DPAGT1: variants seen among roughly 807,000 people sequenced by gnomAD.
DPAGT1 encodes the protein dolichyl-phosphate N-acetylglucosaminephosphotransferase 1.
In DPAGT1, 25 loss-of-function variants were observed where a neutral mutation model predicts 39.3. The ratio of observed to expected loss-of-function variants is 0.64; its 90% CI spans 0.46 to 0.89. The LOEUF is 0.89. DPAGT1 is among the 40% of genes least tolerant of loss of function. The pLI is 0.00. For synonymous variants in DPAGT1, 193 were observed against 201.4 expected, an observed-to-expected ratio of 0.96 and a Z score of 0.36; for missense variants, 381 against 500.6, an observed-to-expected ratio of 0.76 and a Z score of 2.28.
chr11:119,094,856 C>G, downstream of DPAGT1: 10 of 1,199,286 alleles, frequency 8.3e-6, no homozygotes, highest in South Asian at 1.6e-4. Context: ...CCGCTTGCCC[C>G]GCAGTCTGAA....
downstream of DPAGT1, chr11:119,094,815 C>CGAGGG (rs1009294998): frequency 1.6e-5 from 13 of 826,646 alleles, no homozygotes; most frequent in East Asian, 2.0e-4. Context: ...CGAAGGCGGG[C>CGAGGG]GAGGGGAGGG....
rs749725470 is a variant in DPAGT1, at chr11:119,100,613, G to A, written c.496+17C>T. On this transcript the variant is annotated intron_variant, in intron 3 of 8. Transcript: ENST00000354202. The stretch of plus-strand genomic sequence containing the variant: ...TGAAGTAGGTGCCATAGGGGCAGCA[G>A]TGGTAGGACTACCTACCCAAGTCCA... 18 of 1,613,304 alleles carry A rather than the reference G, an allele frequency of 1.1e-5. No individual in the cohort carries two copies. The South Asian group carries it at 2.0e-4, about 18-fold the overall frequency.
rs775014419 is a variant in DPAGT1, at chr11:119,100,211, C to T, written c.643+51G>A. On this transcript the variant is annotated intron_variant, in intron 4 of 8. Coordinates refer to ENST00000354202, the MANE Select transcript of DPAGT1 (RefSeq NM_001382.4). The stretch of plus-strand genomic sequence containing the variant: ...GAATTTCCCAAAGTCATATATCAGG[C>T]CACACCTTTAACACTCAGACTTCTC... 5.6e-6 allele frequency: 9 copies of T among 1,613,246 alleles called. No individual in the cohort carries two copies. In the East Asian group the frequency reaches 1.8e-4, roughly 32 times the overall value.
chr11:119,095,818 G>A (rs1485477156), downstream of DPAGT1, among the ~76,000 whole-genome samples: 1 of 152,052 alleles, frequency 6.6e-6, no homozygotes, highest in Non-Finnish European at 1.5e-5. Context: ...TGCCGGCGTA[G>A]GATTTTTAAA....
Position 119,096,890 on chromosome 11 carries a change from G to A in DPAGT1, c.*108C>T. 1.6e-6 allele frequency: 2 copies of A among 1,275,576 alleles called. No individual in the cohort carries two copies. Among genetic ancestry groups the A allele is most frequent in the African/African-American group, 1.5e-5 (1 of 68,156 alleles). The allele number at this position is 1,275,576 out of a possible 1,614,324, so 79.0% of individuals were successfully genotyped here. Reference sequence around the variant, plus strand: ...CTGAGAACAAAATCTGGAGGAGTATGAAGAGTGAGAGAGGCCTGGGCAAGG... The same window carrying A: ...CTGAGAACAAAATCTGGAGGAGTATAAAGAGTGAGAGAGGCCTGGGCAAGG... On this transcript the variant is annotated 3_prime_UTR_variant, in exon 9 of 9. Transcript: ENST00000354202.
rs772452302 is a variant in DPAGT1, at chr11:119,097,064, C to A, written c.1162-1G>T. 1 of 1,614,178 alleles carries A rather than the reference C, an allele frequency of 6.2e-7. No homozygotes were observed. Among genetic ancestry groups the A allele is most frequent in the Non-Finnish European group, 8.5e-7 (1 of 1,180,028 alleles). Reference sequence around the variant, plus strand: ...AGAAGGTGATGGCACTGCCCAGGATCTGCAAGGAGAAATGGACTGGAGTAA... The same window carrying A: ...AGAAGGTGATGGCACTGCCCAGGATATGCAAGGAGAAATGGACTGGAGTAA... On this transcript the variant is annotated splice_acceptor_variant, in intron 8 of 8. Transcript: ENST00000354202. LOFTEE classifies it high-confidence loss of function. This position sits in a 1 kb window ranked among gnomAD's most constrained non-coding sequence, Gnocchi z 4.6.
downstream of DPAGT1, chr11:119,095,171 T>C (rs1946369850): frequency 1.2e-6 from 2 of 1,613,968 alleles, no homozygotes; most frequent in African/African-American, 1.3e-5. Flanking sequence ...TCGCGTCTTC[T>C]TGTTGTCGCG....
At chr11:119,101,453 T>C in intron 1 of DPAGT1, 42 bp downstream of exon 1, 1 of 1,613,784 alleles carries the variant, frequency 6.2e-7, no homozygotes, top group South Asian at 1.1e-5. Context: ...CACTCCTTCC[T>C]TAGCCCTTGC....
chr11:119,099,606 T>G (rs999588771), intron 4 of DPAGT1, among the ~76,000 whole-genome samples: 4 of 150,274 alleles, frequency 2.7e-5, no homozygotes, highest in South Asian at 4.2e-4. Flanking sequence ...CTAGGCAACA[T>G]GGTGAAACCC....
rs1278799174 is a variant in DPAGT1, at chr11:119,097,405, C to T, written c.1005+59G>A. ...CTTGGATCTGATGTAGGACTAGGTTCCCCATTCCTCAAGGTCAGGATGGCA... is the reference window on the plus strand; with the variant it reads ...CTTGGATCTGATGTAGGACTAGGTTTCCCATTCCTCAAGGTCAGGATGGCA... On this transcript the variant is annotated intron_variant, in intron 7 of 8. Coordinates refer to ENST00000354202, the MANE Select transcript of DPAGT1 (RefSeq NM_001382.4). This position sits in a 1 kb window ranked among gnomAD's most constrained non-coding sequence, Gnocchi z 4.6. The T allele has an allele frequency of 3.1e-6, 5 of 1,610,514 alleles. No homozygotes were observed. Among genetic ancestry groups the T allele is most frequent in the African/African-American group, 1.3e-5 (1 of 74,832 alleles).
Position 119,097,807 on chromosome 11 carries a change from C to G in DPAGT1, c.917+48G>C. 6.2e-7 allele frequency: 1 copy of G among 1,610,860 alleles called. No individual in the cohort carries two copies. Among genetic ancestry groups the G allele is most frequent in the Non-Finnish European group, 8.5e-7 (1 of 1,177,458 alleles). On this transcript the variant is annotated intron_variant, in intron 6 of 8. Transcript: ENST00000354202. The surrounding 1 kb of genome is among the most constrained non-coding windows in gnomAD (Gnocchi z 4.6). ...AAATGTATAGGCTGGCATTAGATAT[C>G]CCAAGTGAAAAGGCTATGATGTCCA...
chr11:119,097,330 T>G lies in DPAGT1; in HGVS notation c.1006-33A>C. Reference sequence around the variant, plus strand: ...GACCAGAGGTGAAGAGAACCTCAGCTAATACCTATGCTTTAGGAATGTGGA... The same window carrying G: ...GACCAGAGGTGAAGAGAACCTCAGCGAATACCTATGCTTTAGGAATGTGGA... On this transcript the variant is annotated intron_variant, in intron 7 of 8. Transcript: ENST00000354202. The surrounding 1 kb of genome is among the most constrained non-coding windows in gnomAD (Gnocchi z 4.6). 1 of 1,614,074 alleles carries G rather than the reference T, an allele frequency of 6.2e-7. No homozygotes were observed.
downstream of DPAGT1, chr11:119,094,920 G>C (rs1311841736): frequency 6.5e-7 from 1 of 1,548,422 alleles, no homozygotes; most frequent in African/African-American, 1.4e-5. Flanking sequence ...GGCCTTTGTG[G>C]TGGCATGGGG....
At position 119,097,949 on chromosome 11, in the gene DPAGT1, T is replaced by A; in HGVS notation, c.823A>T (p.Met275Leu). 2 of 1,614,180 alleles carry A rather than the reference T, an allele frequency of 1.2e-6. No homozygotes were observed. Among genetic ancestry groups the A allele is most frequent in the South Asian group, 2.2e-5 (2 of 91,080 alleles). Residue 275 changes from methionine to leucine, a missense_variant, in exon 6 of 9, where the codon ATG becomes TTG. Coordinates refer to ENST00000354202, the MANE Select transcript of DPAGT1 (RefSeq NM_001382.4). This position sits in a 1 kb window ranked among gnomAD's most constrained non-coding sequence, Gnocchi z 4.6. ...ACCTGGGGCATGAAGAATAGTAGCA[T>A]GGTCTTGCTGAAGTGTCCCAAGATG... ...VGILGHFSKTMLLFFMPQVFN... is the reference protein window; with the variant it reads ...VGILGHFSKTLLLFFMPQVFN...
chr11:119,101,267 G>T, intron 1 of DPAGT1, 129 bp from the exon 2 acceptor site: 1 of 1,419,172 alleles, frequency 7.0e-7, no homozygotes, highest in Non-Finnish European at 9.7e-7. Context: ...GTGGTGAGGG[G>T]GGCGGAGGGA....
At position 119,096,750 on chromosome 11, in the gene DPAGT1, G is replaced by A; in HGVS notation, c.*248C>T. On this transcript the variant is annotated 3_prime_UTR_variant, in exon 9 of 9. Coordinates refer to ENST00000354202, the MANE Select transcript of DPAGT1 (RefSeq NM_001382.4). ...TCCCACCCTATGAGGCTGCAAAGATGGGATGGAGAGGGAGAGAGTAGCAAG... is the reference window on the plus strand; with the variant it reads ...TCCCACCCTATGAGGCTGCAAAGATAGGATGGAGAGGGAGAGAGTAGCAAG... 1 of 577,458 alleles carries A rather than the reference G, an allele frequency of 1.7e-6. No homozygotes were observed. Among genetic ancestry groups the A allele is most frequent in the South Asian group, 2.0e-5 (1 of 49,204 alleles). The allele number at this position is 577,458 out of a possible 1,614,324, so 35.8% of individuals were successfully genotyped here.
Position 119,097,373 on chromosome 11 carries a change from A to G in DPAGT1, c.1006-76T>C. ...AATGTGGATCTATTTAATGCTTTCA[A>G]GTTCCCCTTGGATCTGATGTAGGAC... On this transcript the variant is annotated intron_variant, in intron 7 of 8. Transcript: ENST00000354202. This position sits in a 1 kb window ranked among gnomAD's most constrained non-coding sequence, Gnocchi z 4.6. The G allele has an allele frequency of 6.2e-7, 1 of 1,613,326 alleles. No homozygotes were observed. The highest frequency in any genetic ancestry group is 1.3e-5 in the African/African-American group (1 of 75,044).
chr11:119,100,307 C>T lies in DPAGT1; in HGVS notation c.598G>A (p.Val200Ile). 4 of 1,614,208 alleles carry T rather than the reference C, an allele frequency of 2.5e-6. No individual in the cohort carries two copies. Among genetic ancestry groups the T allele is most frequent in the Non-Finnish European group, 3.4e-6 (4 of 1,180,042 alleles). The change falls in exon 4 of 9, where the codon GTC (valine) becomes ATC (isoleucine). Residue 200 changes from valine to isoleucine, a missense_variant. Physicochemically the swap from Val to Ile is conservative, Grantham distance 29. Coordinates refer to ENST00000354202, the MANE Select transcript of DPAGT1 (RefSeq NM_001382.4). ...INGLEAGQSL[V>I]ISASIIVFNL... Reference sequence around the variant, plus strand: ...AAGACAATGATGGAAGCAGAAATGACTAGTGACTGGCCAGCCTCTAGGCCG... The same window carrying T: ...AAGACAATGATGGAAGCAGAAATGATTAGTGACTGGCCAGCCTCTAGGCCG...
chr11:119,097,711 G>A lies in DPAGT1; in HGVS notation c.917+144C>T. The A allele has an allele frequency of 7.0e-7, 1 of 1,434,452 alleles. No homozygotes were observed. The highest frequency in any genetic ancestry group is 9.8e-7 in the Non-Finnish European group (1 of 1,022,164). 88.9% of individuals were successfully genotyped at this position (1,434,452 alleles called of 1,614,324 possible). A position where few individuals can be genotyped will look rare whatever the true frequency, so the allele number is the denominator to read the frequency against. On this transcript the variant is annotated intron_variant, in intron 6 of 8. Transcript: ENST00000354202. This position sits in a 1 kb window ranked among gnomAD's most constrained non-coding sequence, Gnocchi z 4.6. ...ACTGTAGCAGATTATGCAAATAAAT[G>A]TGCTTTGTAAGTTATAAAGGGCTAC...
Sources: gnomAD v4.1 joint callset for allele counts (sites outside exome capture counted in the v4.1 genomes callset) on GRCh38, gnomAD v4.1.1 for gene constraint, Gnocchi (gnomAD v3.1) non-coding constraint, MANE v1.5 for transcripts, NCBI Gene and HGNC (gene_info 2026-07-23, HGNC 2026-07-21) for gene names.